MTUS2: variants seen among roughly 807,000 people sequenced by gnomAD.
The protein encoded by MTUS2 is microtubule-associated tumor suppressor candidate 2.
Under a neutral mutation model 114.1 loss-of-function variants are expected in MTUS2, and 40 were observed. The observed-to-expected ratio is 0.35, with a 90% CI of 0.27 to 0.46. The LOEUF (loss-of-function observed/expected upper bound fraction) is 0.46. MTUS2 is among the 20% of genes least tolerant of loss of function. The pLI is 1.00. For synonymous variants in MTUS2, 688 were observed against 672.0 expected (o/e 1.02, Z -0.37); for missense variants, 1,679 against 1,705.4 (o/e 0.98, Z 0.27).
chr13:29,126,673 A>G (rs1891530816), intron 5 of MTUS2, among the ~76,000 whole-genome samples: 1 of 151,646 alleles, frequency 6.6e-6, no homozygotes, highest in African/African-American at 2.4e-5. Context: ...TTGTTAGTAT[A>G]TTTTATGTGT....
intron 4 of MTUS2, among the ~76,000 whole-genome samples, chr13:29,075,034 A>G (rs1450988477): frequency 1.3e-5 from 2 of 152,204 alleles, no homozygotes; most frequent in Non-Finnish European, 1.5e-5. Flanking sequence ...AGCCCCTGGC[A>G]ACTACTAATC....
chr13:29,350,839 T>G, intron 7 of MTUS2, among the ~76,000 whole-genome samples: 1 of 150,022 alleles, frequency 6.7e-6, no homozygotes, highest in East Asian at 1.9e-4. Context: ...ATTGCTCTCA[T>G]ATTTCTTCTT....
At chr13:29,292,598 C>T (rs1055687849) in intron 6 of MTUS2, among the ~76,000 whole-genome samples, 2 of 151,926 alleles carry the variant, frequency 1.3e-5, no homozygotes, top group Non-Finnish European at 2.9e-5. Flanking sequence ...CAGGAGTTCA[C>T]GGTACGATGG....
chr13:28,898,201 C>T (rs1325865054), intron 2 of MTUS2, among the ~76,000 whole-genome samples: 2 of 152,020 alleles, frequency 1.3e-5, no homozygotes, highest in African/African-American at 4.8e-5. Context: ...TATTTGTAGT[C>T]CATGACAGAA....
At chr13:29,308,329 G>A (rs1307470641) in intron 6 of MTUS2, among the ~76,000 whole-genome samples, 2 of 152,150 alleles carry the variant, frequency 1.3e-5, no homozygotes, top group Non-Finnish European at 2.9e-5. Flanking sequence ...TTAATAAATG[G>A]TGCTGGGAGT....
intron 5 of MTUS2, among the ~76,000 whole-genome samples, chr13:29,137,778 G>A (rs925619948): frequency 1.5e-4 from 10 of 65,986 alleles, no homozygotes; most frequent in African/African-American, 5.3e-4. Context: ...CACCGTGCCT[G>A]GTTAATTTTT....
At chr13:29,225,262 A>G (rs1409321993) in intron 5 of MTUS2, among the ~76,000 whole-genome samples, 1 of 152,206 alleles carries the variant, frequency 6.6e-6, no homozygotes, top group Admixed American at 6.5e-5. Flanking sequence ...CAAGAGGACC[A>G]TGGTTTCTTC....
chr13:29,490,927 C>T (rs7324443), intron 11 of MTUS2, among the ~76,000 whole-genome samples: 1 of 152,010 alleles, frequency 6.6e-6, no homozygotes, highest in Non-Finnish European at 1.5e-5. Context: ...CAATGAATAA[C>T]GTGAACAAAG....
chr13:29,271,956 T>G (rs1897896416), intron 5 of MTUS2, among the ~76,000 whole-genome samples: 1 of 152,208 alleles, frequency 6.6e-6, no homozygotes, highest in Non-Finnish European at 1.5e-5. Context: ...TCACTCTTAG[T>G]CTTAATGCTT....
In MTUS2 at chr13:29,283,803, A is replaced by G. The variant is rs188968951; in HGVS notation, c.2806+1938A>G. ...AGAAAAAGGCAAAGGGCTCTTAGCC[A>G]TATGAAAGGATAATAATCGGCCTCA... is the stretch of plus-strand genomic sequence containing the variant. On this transcript the variant is annotated intron_variant, in intron 6 of 15. Coordinates refer to ENST00000612955, the MANE Select transcript of MTUS2 (RefSeq NM_001033602.4). 1.8e-4 allele frequency among the ~76,000 whole-genome samples: 27 copies of G among 152,360 alleles called. 1 individual carries two copies. Among genetic ancestry groups the G allele is most frequent in the African/African-American group, 5.5e-4 (23 of 41,576 alleles).
intron 2 of MTUS2, among the ~76,000 whole-genome samples, chr13:28,853,146 G>A (rs976622819): frequency 2.6e-5 from 4 of 152,170 alleles, no homozygotes; most frequent in Admixed American, 6.5e-5. Context: ...TTTAAATCTC[G>A]AAAAGTGGGA....
At chr13:29,340,177 A>G (rs1901320494) in intron 7 of MTUS2, among the ~76,000 whole-genome samples, 1 of 152,100 alleles carries the variant, frequency 6.6e-6, no homozygotes, top group African/African-American at 2.4e-5. Flanking sequence ...GGAGGGCAGC[A>G]CCCAGATGAT....
chr13:28,885,130 G>A (rs1026870481), intron 2 of MTUS2, among the ~76,000 whole-genome samples: 2 of 152,102 alleles, frequency 1.3e-5, no homozygotes, highest in Admixed American at 1.3e-4. Flanking sequence ...TTTGATTTGG[G>A]TGTTTTAGGA....
Position 29,313,251 on chromosome 13 carries a change from GA to G in MTUS2, c.2807-11353del, listed in dbSNP as rs1188012611. On this transcript the variant is annotated intron_variant, in intron 6 of 15. Coordinates refer to ENST00000612955, the MANE Select transcript of MTUS2 (RefSeq NM_001033602.4). ...GAATTACGAAGTTGCAGTGACTGTGGAAAAAAAAAGTGGACTAGATTTAAGA... is the reference window on the plus strand; with the variant it reads ...GAATTACGAAGTTGCAGTGACTGTGGAAAAAAAAGTGGACTAGATTTAAGA... Among the ~76,000 whole-genome samples, 5 of 150,416 alleles carry G rather than the reference GA, an allele frequency of 3.3e-5. No homozygotes were observed. In the South Asian group the frequency reaches 6.3e-4, roughly 19 times the overall value.
At chr13:29,338,502 A>C (rs1169599099) in intron 7 of MTUS2, among the ~76,000 whole-genome samples, 2 of 152,178 alleles carry the variant, frequency 1.3e-5, no homozygotes, top group Non-Finnish European at 2.9e-5. Flanking sequence ...AGGCAGGAGA[A>C]TCGCTTGAAC....
chr13:29,490,039 T>C (rs527249869), intron 11 of MTUS2: 1 of 152,306 alleles, frequency 6.6e-6, no homozygotes, highest in African/African-American at 2.4e-5. Context: ...TCCAGGTCTT[T>C]GAATTATAAA....
intron 5 of MTUS2, among the ~76,000 whole-genome samples, chr13:29,210,217 G>A (rs981452000): frequency 4.6e-5 from 7 of 151,830 alleles, no homozygotes; most frequent in Admixed American, 3.3e-4. Flanking sequence ...TGATTCTGTT[G>A]TTGACACTTT....
At chr13:29,321,741 A>G (rs1900263651) in intron 6 of MTUS2, among the ~76,000 whole-genome samples, 1 of 152,252 alleles carries the variant, frequency 6.6e-6, no homozygotes, top group Non-Finnish European at 1.5e-5. Context: ...GAAGCATATT[A>G]AAATAAAAAG....
chr13:29,149,367 G>A (rs1892574175), intron 5 of MTUS2, among the ~76,000 whole-genome samples: 1 of 152,186 alleles, frequency 6.6e-6, no homozygotes. Flanking sequence ...CTTTTTAATG[G>A]GGTTGTTGTT....
Sources: gnomAD v4.1 joint callset for allele counts (sites outside exome capture counted in the v4.1 genomes callset) on GRCh38, gnomAD v4.1.1 for gene constraint, MANE v1.5 for transcripts, NCBI Gene and HGNC (gene_info 2026-07-23, HGNC 2026-07-21) for gene names.